The following RIMS2 variants were observed in gnomAD, a reference collection of about 807,000 sequenced individuals.
RIMS2 encodes the protein regulating synaptic membrane exocytosis 2.
Under a neutral mutation model 174.4 loss-of-function variants are expected in RIMS2, and 59 were observed. The observed-to-expected ratio is 0.34, with a 90% CI of 0.27 to 0.42. The LOEUF is 0.42. Ranked by LOEUF, RIMS2 falls within the 10% of genes least tolerant of loss-of-function variation. The probability of loss-of-function intolerance (pLI) is 1.00; values close to 1 mark genes in which losing one functional copy is unlikely to be tolerated. For missense variants in RIMS2, 1,620 were observed against 1,666.3 expected (o/e 0.97, Z 0.48); for synonymous variants, 606 against 572.5 (o/e 1.06, Z -0.84).
chr8:104,016,076 T>G (rs1276820193), intron 19 of RIMS2, among the ~76,000 whole-genome samples: 1 of 152,074 alleles, frequency 6.6e-6, no homozygotes, highest in African/African-American at 2.4e-5. Flanking sequence ...GTCATACATT[T>G]GCTAGATCAA....
chr8:103,502,805 T>G, intron 1 of RIMS2, among the ~76,000 whole-genome samples: 1 of 152,048 alleles, frequency 6.6e-6, no homozygotes, highest in East Asian at 1.9e-4. Context: ...AAATGTAAAA[T>G]GTGTTTTTAT....
At chr8:104,119,230 T>C (rs2098334319) in intron 19 of RIMS2, among the ~76,000 whole-genome samples, 1 of 150,912 alleles carries the variant, frequency 6.6e-6, no homozygotes, top group African/African-American at 2.4e-5. Context: ...CCTGGCGGCA[T>C]GCACCTGTAG....
intron 1 of RIMS2, among the ~76,000 whole-genome samples, chr8:103,529,229 G>T (rs1282006574): frequency 6.8e-6 from 1 of 146,044 alleles, no homozygotes; most frequent in Non-Finnish European, 1.5e-5. Context: ...TGTGATTTTT[G>T]CACATTGATT....
rs368813886 is a variant in RIMS2 at position 103,989,307 on chromosome 8, G to A, written c.2930G>A (p.Arg977Gln). The A allele has an allele frequency of 1.5e-5, 24 of 1,580,246 alleles. No individual in the cohort carries two copies. In the Admixed American group the frequency reaches 1.8e-4, roughly 12 times the overall value. The change falls in exon 17 of 24, where the codon CGG (arginine) becomes CAG (glutamine). Residue 977 changes from arginine (R) to glutamine (Q), a missense_variant and splice_region_variant. Transcript: ENST00000504942. Reference sequence around the variant, plus strand: ...TTGAATAGATCTTGTTGTTTTAGTCGGAATGTGGAACAGGGGCTTCGAGGG... The same window carrying A: ...TTGAATAGATCTTGTTGTTTTAGTCAGAATGTGGAACAGGGGCTTCGAGGG...
chr8:104,127,153 CT>C (rs574096258), intron 19 of RIMS2, among the ~76,000 whole-genome samples: 2 of 152,184 alleles, frequency 1.3e-5, no homozygotes, highest in African/African-American at 2.4e-5. Context: ...AGAATATTCA[CT>C]TTTTTCAGGT....
chr8:103,901,655 C>A (rs1217402719), intron 4 of RIMS2, among the ~76,000 whole-genome samples: 1 of 152,034 alleles, frequency 6.6e-6, no homozygotes, highest in African/African-American at 2.4e-5. Context: ...AAGATGAATT[C>A]TAATATATGC....
At chr8:104,062,308 G>A (rs2154560542) in intron 19 of RIMS2, among the ~76,000 whole-genome samples, 1 of 152,230 alleles carries the variant, frequency 6.6e-6, no homozygotes, top group South Asian at 2.1e-4. Context: ...GTAGGCTGAG[G>A]CAGGAGAATT....
At chr8:104,230,002 C>T (rs539699921) in intron 19 of RIMS2, among the ~76,000 whole-genome samples, 1 of 152,132 alleles carries the variant, frequency 6.6e-6, no homozygotes, top group African/African-American at 2.4e-5. Flanking sequence ...GATTTTGTGC[C>T]GGCATGCTGG....
At chr8:103,994,432 G>A (rs951318234) in intron 17 of RIMS2, among the ~76,000 whole-genome samples, 96 of 152,006 alleles carry the variant, frequency 6.3e-4, no homozygotes, top group African/African-American at 2.3e-3. Context: ...TTCTTTTACA[G>A]TGATTTACTG....
intron 3 of RIMS2, among the ~76,000 whole-genome samples, chr8:103,801,178 G>T (rs928245807): frequency 6.6e-6 from 1 of 152,042 alleles, no homozygotes; most frequent in Non-Finnish European, 1.5e-5. Context: ...ATAGAGACGG[G>T]GTTTCACCAT....
chr8:103,737,708 C>A (rs1024282621), intron 2 of RIMS2, among the ~76,000 whole-genome samples: 4 of 152,122 alleles, frequency 2.6e-5, no homozygotes, highest in Non-Finnish European at 5.9e-5. Context: ...TATTTCTGTT[C>A]CTGAAGCAAC....
At chr8:104,190,943 T>G (rs2098994439) in intron 19 of RIMS2, among the ~76,000 whole-genome samples, 2 of 152,038 alleles carry the variant, frequency 1.3e-5, no homozygotes, top group East Asian at 3.9e-4. Flanking sequence ...TTGTTTTTTT[T>G]TTTTGTTTGC....
intron 2 of RIMS2, among the ~76,000 whole-genome samples, chr8:103,705,876 G>A (rs749081994): frequency 1.3e-5 from 2 of 151,120 alleles, no homozygotes; most frequent in Middle Eastern, 3.5e-3. Flanking sequence ...TGTCTTTCAA[G>A]TGGGGGATTT....
intron 6 of RIMS2, among the ~76,000 whole-genome samples, chr8:103,914,343 G>A (rs972251733): frequency 4.6e-5 from 7 of 152,208 alleles, no homozygotes; most frequent in African/African-American, 9.6e-5. Context: ...ACGTGAAACC[G>A]GACAAATAAA....
At chr8:103,536,515 A>G (rs897118678) in intron 1 of RIMS2, among the ~76,000 whole-genome samples, 1 of 152,154 alleles carries the variant, frequency 6.6e-6, no homozygotes, top group African/African-American at 2.4e-5. Flanking sequence ...AATTAACCTC[A>G]TGGTTCCTCA....
chr8:104,015,337 T>C (rs2095869569), intron 19 of RIMS2: 2 of 617,626 alleles, frequency 3.2e-6, no homozygotes, highest in African/African-American at 3.8e-5. Flanking sequence ...TTTTGGAAAT[T>C]TCTGTTGTTT....
At chr8:103,889,954 A>AT (rs1413679014) in intron 4 of RIMS2, among the ~76,000 whole-genome samples, 1 of 151,898 alleles carries the variant, frequency 6.6e-6, no homozygotes, top group Non-Finnish European at 1.5e-5. Context: ...TCACTATGTG[A>AT]TTTTGTTCTA....
intron 2 of RIMS2, among the ~76,000 whole-genome samples, chr8:103,704,625 T>C (rs1284165799): frequency 6.6e-6 from 1 of 152,108 alleles, no homozygotes; most frequent in Non-Finnish European, 1.5e-5. Flanking sequence ...TGACAGACTT[T>C]TTATTATGGC....
intron 6 of RIMS2, among the ~76,000 whole-genome samples, chr8:103,912,921 C>T (rs537272998): frequency 1.1e-4 from 16 of 150,878 alleles, no homozygotes; most frequent in East Asian, 1.9e-4. Flanking sequence ...AGTTTGAGAC[C>T]GACCTAGACA....
Sources: gnomAD v4.1 joint callset for allele counts (sites outside exome capture counted in the v4.1 genomes callset) on GRCh38, gnomAD v4.1.1 for gene constraint, MANE v1.5 for transcripts, NCBI Gene and HGNC (gene_info 2026-07-23, HGNC 2026-07-21) for gene names.